Variants in RGS7 observed in about 807,000 individuals in gnomAD.
RGS7 encodes the protein regulator of G-protein signaling 7.
Under a neutral mutation model 81.1 loss-of-function variants are expected in RGS7, and 27 were observed. The observed-to-expected ratio is 0.33, with a 90% CI of 0.25 to 0.46. The LOEUF (loss-of-function observed/expected upper bound fraction) is 0.46. RGS7 is among the 20% of genes least tolerant of loss of function. RGS7 has a pLI of 1.00. For missense variants in RGS7, 396 were observed against 607.4 expected (o/e 0.65, Z 3.66); for synonymous variants, 208 against 207.7 (o/e 1.00, Z -0.01).
intron 5 of RGS7, among the ~76,000 whole-genome samples, chr1:240,931,859 C>T (rs550373013): frequency 3.5e-4 from 53 of 152,226 alleles, no homozygotes; most frequent in Admixed American, 3.2e-3. Flanking sequence ...ACTTTCCTAG[C>T]CCTGCTAGCT....
intron 2 of RGS7, among the ~76,000 whole-genome samples, chr1:241,113,588 G>A (rs998492083): frequency 4.6e-5 from 7 of 152,178 alleles, no homozygotes; most frequent in South Asian, 4.2e-4. Flanking sequence ...TTTGATACTC[G>A]CATGGATAAA....
chr1:241,341,825 G>C (rs2082567351), intron 2 of RGS7, among the ~76,000 whole-genome samples: 1 of 150,468 alleles, frequency 6.6e-6, no homozygotes, highest in Admixed American at 6.6e-5. Context: ...TAGCGAGAGA[G>C]CCTGGATTCA....
intron 2 of RGS7, among the ~76,000 whole-genome samples, chr1:241,269,591 A>G (rs1228675059): frequency 2.0e-5 from 3 of 152,242 alleles, no homozygotes; most frequent in Non-Finnish European, 2.9e-5. Context: ...TTTAGAAAGC[A>G]GGGAAAAGGG....
chr1:240,812,001 G>A lies in RGS7; in HGVS notation c.999C>T (p.Gly333=). Residue 333 remains glycine (G), a synonymous_variant, in exon 14 of 19, where the codon GGC becomes GGT. Transcript: ENST00000440928. ...SQQRVKRWGF[G]MDEALKDPVG... is the part of the protein sequence containing the mutation. Reference sequence around the variant, plus strand: ...CTGGGTCTTTCAATGCCTCGTCCATGCCAAAACCCCATCGTTTTACCCTCT... The same window carrying A: ...CTGGGTCTTTCAATGCCTCGTCCATACCAAAACCCCATCGTTTTACCCTCT... 6.2e-7 allele frequency: 1 copy of A among 1,614,042 alleles called. No homozygotes were observed. Among genetic ancestry groups the A allele is most frequent in the Non-Finnish European group, 8.5e-7 (1 of 1,179,958 alleles).
rs1051362234 is a variant in RGS7, at chr1:240,832,297, A to G, written c.610-5125T>C. ...ATTGTTGGATGTAAGGAATAATGAAATGCTATTTACATCAGCCTGGAAGAG... is the reference window on the plus strand; with the variant it reads ...ATTGTTGGATGTAAGGAATAATGAAGTGCTATTTACATCAGCCTGGAAGAG... On this transcript the variant is annotated intron_variant, in intron 9 of 18. Transcript: ENST00000440928. 2.6e-5 allele frequency among the ~76,000 whole-genome samples: 4 copies of G among 152,216 alleles called. No individual in the cohort carries two copies. In the East Asian group the frequency reaches 7.7e-4, roughly 29 times the overall value.
chr1:240,978,208 T>C (rs1684430669), intron 4 of RGS7, among the ~76,000 whole-genome samples: 2 of 152,202 alleles, frequency 1.3e-5, no homozygotes, highest in South Asian at 2.1e-4. Flanking sequence ...ATCAGTTCCA[T>C]GTAGAGTCCT....
chr1:241,302,406 A>G (rs542528881), intron 2 of RGS7, among the ~76,000 whole-genome samples: 8 of 152,220 alleles, frequency 5.3e-5, no homozygotes, highest in East Asian at 1.9e-4. Flanking sequence ...AAAATTAGCC[A>G]GGCATGGTTG....
chr1:241,221,194 AAGAG>A (rs1558204650), intron 2 of RGS7, among the ~76,000 whole-genome samples: 1 of 151,814 alleles, frequency 6.6e-6, no homozygotes. Flanking sequence ...GAGAGAAAGA[AAGAG>A]AAAGAAAGAA....
intron 4 of RGS7, among the ~76,000 whole-genome samples, chr1:240,940,589 G>A (rs139932292): frequency 6.6e-6 from 1 of 152,062 alleles, no homozygotes; most frequent in Non-Finnish European, 1.5e-5. Context: ...ATTAAGTTAC[G>A]GCACATAAGG....
At chr1:240,879,536 CCT>C (rs748300620) in intron 6 of RGS7, among the ~76,000 whole-genome samples, 11 of 152,088 alleles carry the variant, frequency 7.2e-5, no homozygotes, top group Non-Finnish European at 1.5e-4. Flanking sequence ...CATCACTCTC[CCT>C]CTCTCTGATG....
intron 5 of RGS7, among the ~76,000 whole-genome samples, chr1:240,935,895 T>G (rs1209007781): frequency 6.6e-6 from 1 of 152,224 alleles, no homozygotes; most frequent in East Asian, 1.9e-4. Flanking sequence ...GCCTTAATTT[T>G]ACAGGCTAGA....
chr1:241,192,229 C>T (rs1219052141), intron 2 of RGS7, among the ~76,000 whole-genome samples: 1 of 98,808 alleles, frequency 1.0e-5, no homozygotes, highest in African/African-American at 4.2e-5. Flanking sequence ...TTTGATTTGG[C>T]TTGGTTTTAT....
chr1:241,022,540 T>C (rs897213526), intron 3 of RGS7, among the ~76,000 whole-genome samples: 7 of 152,166 alleles, frequency 4.6e-5, no homozygotes, highest in Admixed American at 1.3e-4. Context: ...ATCTATAAAC[T>C]GCCTCATCTG....
intron 4 of RGS7, among the ~76,000 whole-genome samples, chr1:240,951,950 C>T (rs1392839874): frequency 6.6e-6 from 1 of 151,960 alleles, no homozygotes; most frequent in East Asian, 1.9e-4. Context: ...TCATCAGAAA[C>T]TATGTGGGCA....
intron 2 of RGS7, among the ~76,000 whole-genome samples, chr1:241,125,294 T>C (rs373358567): frequency 6.6e-6 from 1 of 152,172 alleles, no homozygotes; most frequent in Non-Finnish European, 1.5e-5. Context: ...TTATGAGGTT[T>C]CCTAGAATTC....
chr1:240,914,377 C>T (rs187904041), intron 6 of RGS7, among the ~76,000 whole-genome samples: 14 of 152,246 alleles, frequency 9.2e-5, no homozygotes, highest in African/African-American at 3.4e-4. Context: ...AGGTTTCTCT[C>T]CTTTTCTGTT....
intron 2 of RGS7, among the ~76,000 whole-genome samples, chr1:241,286,657 T>A (rs2078828162): frequency 6.6e-6 from 1 of 152,238 alleles, no homozygotes; most frequent in Admixed American, 6.5e-5. Flanking sequence ...TGGCCCAAAC[T>A]AGGGTTTTTC....
rs58610723 is a variant in RGS7, at chr1:241,144,926, G to GGTGTGTGTGTGTGTGTGT, written c.79-46182_79-46165dup. Among the ~76,000 whole-genome samples, 145 of 141,960 alleles carry GGTGTGTGTGTGTGTGTGT rather than the reference G, an allele frequency of 1.0e-3. 1 individual carries two copies. Among genetic ancestry groups the GGTGTGTGTGTGTGTGTGT allele is most frequent in the Middle Eastern group, 3.6e-3 (1 of 280 alleles). 93.1% of individuals were successfully genotyped at this position (141,960 alleles called of 152,430 possible). ...TCAGTATGTGTTGGCAGGGCAGGAT[G>GGTGTGTGTGTGTGTGTGT]GTGTGTGTGTGTGTGTGTGTGTGTG... is the stretch of plus-strand genomic sequence containing the variant. On this transcript the variant is annotated intron_variant, in intron 2 of 18. Coordinates refer to ENST00000440928, the MANE Select transcript of RGS7 (RefSeq NM_001364886.1). The surrounding 1 kb of genome is among the most constrained non-coding windows in gnomAD (Gnocchi z 4.7).
At chr1:241,290,520 G>A (rs999760203) in intron 2 of RGS7, among the ~76,000 whole-genome samples, 1 of 152,118 alleles carries the variant, frequency 6.6e-6, no homozygotes, top group Non-Finnish European at 1.5e-5. Context: ...AAGTAGAAAG[G>A]AAATTGTGTC....
Sources: gnomAD v4.1 joint callset for allele counts (sites outside exome capture counted in the v4.1 genomes callset) on GRCh38, gnomAD v4.1.1 for gene constraint, Gnocchi (gnomAD v3.1) non-coding constraint, MANE v1.5 for transcripts, NCBI Gene and HGNC (gene_info 2026-07-23, HGNC 2026-07-21) for gene names.